The following DEPDC5 variants were observed in gnomAD, a reference collection of about 807,000 sequenced individuals.
The protein encoded by DEPDC5 is DEP domain containing 5, GATOR1 subcomplex subunit.
Under a neutral mutation model 217.3 loss-of-function variants are expected in DEPDC5, and 73 were observed. The ratio of observed to expected loss-of-function variants is 0.34; its 90% CI spans 0.28 to 0.41. The LOEUF is 0.41. DEPDC5 is among the 10% of genes least tolerant of loss of function. DEPDC5 has a pLI of 1.00. For missense variants in DEPDC5, 1,675 were observed against 2,070.1 expected, an observed-to-expected ratio of 0.81 and a Z score of 3.70; for synonymous variants, 733 against 756.7, an observed-to-expected ratio of 0.97 and a Z score of 0.51.
intron 36 of DEPDC5, chr22:31,875,676 A>G (rs2092972036): frequency 8.0e-6 from 1 of 125,426 alleles, no homozygotes; most frequent in African/African-American, 3.1e-5. Context: ...TTCGTCGCCT[A>G]GGCTGGAGTG....
intron 38 of DEPDC5, among the ~76,000 whole-genome samples, chr22:31,883,653 A>C (rs148670731): frequency 6.6e-6 from 1 of 152,194 alleles, no homozygotes; most frequent in Non-Finnish European, 1.5e-5. Flanking sequence ...CAGAGAGGCG[A>C]AGTAATTTGC....
At chr22:31,856,469 A>G (rs2092306963) in intron 31 of DEPDC5, among the ~76,000 whole-genome samples, 1 of 152,226 alleles carries the variant, frequency 6.6e-6, no homozygotes, top group African/African-American at 2.4e-5. Context: ...TCTGAAACCT[A>G]ACAATAAAAC....
intron 2 of DEPDC5, among the ~76,000 whole-genome samples, chr22:31,756,823 A>C (rs1229069248): frequency 6.6e-6 from 1 of 151,988 alleles, no homozygotes; most frequent in Non-Finnish European, 1.5e-5. Flanking sequence ...AGGGAGGCTG[A>C]GGCACGAGAA....
At chr22:31,769,953 C>T (rs1373606680) in intron 7 of DEPDC5, among the ~76,000 whole-genome samples, 8 of 149,016 alleles carry the variant, frequency 5.4e-5, no homozygotes, top group South Asian at 2.2e-4. Flanking sequence ...ATTTCAGGTG[C>T]GGTGGCTCAC....
intron 7 of DEPDC5, among the ~76,000 whole-genome samples, chr22:31,773,716 A>G (rs2083561189): frequency 1.3e-5 from 2 of 152,224 alleles, no homozygotes. Context: ...AGTTAAAGTC[A>G]TTACAAATGG....
At position 31,810,603 on chromosome 22, in the gene DEPDC5, G is replaced by C; in HGVS notation, c.1407G>C (p.Leu469=). 1.2e-6 allele frequency: 2 copies of C among 1,614,170 alleles called. No homozygotes were observed. The highest frequency in any genetic ancestry group is 1.7e-6 in the Non-Finnish European group (2 of 1,180,036). ...CCTATGACGCTCAAGTGTTCAGGCT[G>C]CCCGGCCCATCCCGGGCCCAGTGCC... is the stretch of plus-strand genomic sequence containing the variant. ...YDAYDAQVFR[L]PGPSRAQCLT... The change falls in exon 20 of 43, where the codon CTG becomes CTC. Residue 469 remains leucine, a synonymous_variant. Coordinates refer to ENST00000651528, the MANE Select transcript of DEPDC5 (RefSeq NM_001242896.3).
chr22:31,848,847 C>G (rs1462904991), intron 31 of DEPDC5, among the ~76,000 whole-genome samples: 2 of 152,144 alleles, frequency 1.3e-5, no homozygotes, highest in African/African-American at 4.8e-5. Flanking sequence ...GAACACTTTG[C>G]CACTTAGAAA....
chr22:31,827,173 G>A (rs1030361029), intron 24 of DEPDC5, among the ~76,000 whole-genome samples: 27 of 151,988 alleles, frequency 1.8e-4, no homozygotes, highest in African/African-American at 6.0e-4. Flanking sequence ...CCCTTTCCCA[G>A]TCCCTTTATG....
intron 25 of DEPDC5, among the ~76,000 whole-genome samples, chr22:31,834,518 C>CTT (rs367796337): frequency 1.1e-4 from 16 of 141,108 alleles, no homozygotes; most frequent in South Asian, 2.3e-4. Context: ...TTTGTCCCCA[C>CTT]TTTTTTTTTT....
intron 6 of DEPDC5, 149 bp downstream of exon 6, chr22:31,766,817 C>G (rs1457396043): frequency 8.5e-6 from 6 of 702,892 alleles, no homozygotes; most frequent in African/African-American, 3.6e-5. Context: ...TTCTTCCATT[C>G]TCTTTTCACT....
Position 31,804,863 on chromosome 22 carries a change from C to A in DEPDC5, c.1165C>A (p.Arg389Ser). 8 of 1,613,932 alleles carry A rather than the reference C, an allele frequency of 5.0e-6. No individual in the cohort carries two copies. Among genetic ancestry groups the A allele is most frequent in the Non-Finnish European group, 6.8e-6 (8 of 1,179,858 alleles). The change falls in exon 17 of 43, where the codon CGT becomes AGT. Residue 389 changes from arginine to serine, a missense_variant. Arg to Ser is a moderately radical substitution (Grantham distance 110). Around this residue, in one of 11 missense-constraint regions of DEPDC5, gnomAD observed 628 missense variants for 762.1 expected, o/e 0.82. Coordinates refer to ENST00000651528, the MANE Select transcript of DEPDC5 (RefSeq NM_001242896.3). ...GCAGCTCCATAATCGGAGTGCTCCC[C>A]GTGATTCTCGTCTGGGCGATGACTA... ...LFKLHNRSAPRDSRLGDDYNI... is the reference protein window; with the variant it reads ...LFKLHNRSAPSDSRLGDDYNI...
chr22:31,796,428 G>A (rs2086254336), intron 12 of DEPDC5, among the ~76,000 whole-genome samples: 1 of 152,126 alleles, frequency 6.6e-6, no homozygotes, highest in Admixed American at 6.6e-5. Flanking sequence ...TTTCTACATA[G>A]AAATTACATT....
chr22:31,768,000 C>T (rs1338600658), intron 6 of DEPDC5, among the ~76,000 whole-genome samples: 3 of 151,928 alleles, frequency 2.0e-5, no homozygotes, highest in Admixed American at 6.6e-5. Flanking sequence ...CCATCTCGGC[C>T]TCCCAAAGTG....
Position 31,906,576 on chromosome 22 carries a change from C to A in DEPDC5, c.*79C>A. ...CGGGGCGGAGGATTCCAGGCAGGCT[C>A]TAGGAGTCAGGTGTCCGTTTGCTGC... On this transcript the variant is annotated 3_prime_UTR_variant, in exon 43 of 43. Transcript: ENST00000651528. The surrounding 1 kb of genome is among the most constrained non-coding windows in gnomAD (Gnocchi z 5.1). 6.5e-7 allele frequency: 1 copy of A among 1,547,054 alleles called. No individual in the cohort carries two copies. Among genetic ancestry groups the A allele is most frequent in the South Asian group, 1.2e-5 (1 of 83,340 alleles).
chr22:31,874,231 C>T, intron 35 of DEPDC5, 42 bp from the exon 36 acceptor site: 1 of 1,587,996 alleles, frequency 6.3e-7, no homozygotes, highest in Admixed American at 1.7e-5. Context: ...TGCCATGGGG[C>T]ACACACATCC....
chr22:31,893,495 T>A, intron 38 of DEPDC5, 87 bp from the exon 39 acceptor site: 1 of 1,345,054 alleles, frequency 7.4e-7, no homozygotes, highest in Non-Finnish European at 9.8e-7. Context: ...TTGTATATAG[T>A]TTCATATCTG....
At chr22:31,778,896 A>G (rs985758739) in intron 8 of DEPDC5, among the ~76,000 whole-genome samples, 4 of 152,158 alleles carry the variant, frequency 2.6e-5, no homozygotes, top group Middle Eastern at 3.2e-3. Flanking sequence ...GTCTAAAGAC[A>G]TATTTGGTTG....
intron 27 of DEPDC5, among the ~76,000 whole-genome samples, chr22:31,841,158 C>T (rs1354439519): frequency 6.6e-6 from 1 of 152,252 alleles, no homozygotes. Context: ...TGCCCAAGAT[C>T]ACACAAGCTG....
intron 35 of DEPDC5, 93 bp from the exon 36 acceptor site, chr22:31,874,180 C>T: frequency 6.6e-7 from 1 of 1,510,566 alleles, no homozygotes; most frequent in Non-Finnish European, 9.0e-7. Flanking sequence ...ATTAAATGCT[C>T]TAGTGGGAGT....
Sources: gnomAD v4.1 joint callset for allele counts (sites outside exome capture counted in the v4.1 genomes callset) on GRCh38, gnomAD v4.1.1 for gene constraint, gnomAD v4.1.1 regional missense constraint, Gnocchi (gnomAD v3.1) non-coding constraint, MANE v1.5 for transcripts, NCBI Gene and HGNC (gene_info 2026-07-23, HGNC 2026-07-21) for gene names.